Variants in MDM2 observed in about 807,000 individuals in gnomAD.
MDM2 encodes MDM2 proto-oncogene, also known as E3 ubiquitin-protein ligase Mdm2.
MDM2 carries 11 observed loss-of-function variants against 64.3 expected under a neutral mutation model. That is an observed-to-expected ratio of 0.17 (90% confidence interval 0.11 to 0.28). The LOEUF is 0.28. Among genes scored for constraint, MDM2 ranks in the 10% least tolerant of loss-of-function variants. The pLI, the probability that MDM2 is intolerant of heterozygous loss-of-function variation, is 1.00. For synonymous variants in MDM2, 194 were observed against 192.9 expected, an observed-to-expected ratio of 1.01 and a Z score of -0.05; for missense variants, 388 against 577.1, an observed-to-expected ratio of 0.67 and a Z score of 3.36.
intron 8 of MDM2, among the ~76,000 whole-genome samples, chr12:68,833,675 A>T (rs1317107534): frequency 1.3e-5 from 2 of 152,010 alleles, no homozygotes; most frequent in African/African-American, 4.8e-5. Flanking sequence ...CCGCTCTTGT[A>T]ATGCAGGAGC....
intron 8 of MDM2, among the ~76,000 whole-genome samples, chr12:68,834,534 C>T (rs1883154312): frequency 6.6e-6 from 1 of 151,716 alleles, no homozygotes; most frequent in South Asian, 2.1e-4. Flanking sequence ...GTCAGGAGTT[C>T]AAGACCAGCC....
downstream of MDM2, chr12:68,846,033 A>G (rs1211764183): frequency 1.3e-5 from 2 of 149,866 alleles, no homozygotes; most frequent in African/African-American, 4.9e-5. Context: ...GGCTCATTGC[A>G]ACCTCCACCT....
At chr12:68,845,703 C>T (rs979728571), downstream of MDM2, 54 of 170,462 alleles carry the variant, frequency 3.2e-4, no homozygotes, top group African/African-American at 7.1e-5. Flanking sequence ...CTTAGATGTC[C>T]AGCCAACAGC....
intron 5 of MDM2, among the ~76,000 whole-genome samples, chr12:68,823,111 A>G (rs936910744): frequency 5.9e-5 from 9 of 152,220 alleles, no homozygotes; most frequent in Non-Finnish European, 1.2e-4. Flanking sequence ...TTCCTGGACA[A>G]TATAACCTAT....
intron 5 of MDM2, among the ~76,000 whole-genome samples, chr12:68,821,725 G>C (rs1486571932): frequency 6.9e-6 from 1 of 145,198 alleles, no homozygotes; most frequent in Non-Finnish European, 1.5e-5. Flanking sequence ...TCTTAAAAAA[G>C]ACAAAAACAA....
At chr12:68,846,572 G>C (rs59990811), downstream of MDM2, 1 of 152,032 alleles carries the variant, frequency 6.6e-6, no homozygotes, top group African/African-American at 2.4e-5. Context: ...ATTTCACTAC[G>C]TTTGGTCCTA....
intron 5 of MDM2, among the ~76,000 whole-genome samples, chr12:68,823,480 C>A (rs1488672660): frequency 6.6e-6 from 1 of 152,188 alleles, no homozygotes; most frequent in Non-Finnish European, 1.5e-5. Flanking sequence ...ATCATCTTAA[C>A]TCCTTTCTTC....
chr12:68,848,038 A>G (rs1419430316), downstream of MDM2: 1 of 152,242 alleles, frequency 6.6e-6, no homozygotes, highest in African/African-American at 2.4e-5. Context: ...CTGAGGTGGG[A>G]GGATCACTTG....
At chr12:68,822,912 T>C (rs534542664) in intron 5 of MDM2, among the ~76,000 whole-genome samples, 66 of 152,114 alleles carry the variant, frequency 4.3e-4, no homozygotes, top group Non-Finnish European at 7.5e-4. Context: ...GGTTAATTTT[T>C]GTATTTTTAG....
intron 2 of MDM2, among the ~76,000 whole-genome samples, chr12:68,810,212 G>C (rs56679687): frequency 6.6e-6 from 1 of 151,782 alleles, no homozygotes; most frequent in Non-Finnish European, 1.5e-5. Context: ...GAGGAGGCTG[G>C]GGCAGGAGAA....
In MDM2 at chr12:68,831,654, G is replaced by C. The variant is rs151113041; in HGVS notation, c.684+2723G>C. Among the ~76,000 whole-genome samples the C allele has an allele frequency of 2.1e-4, 32 of 152,240 alleles. No individual in the cohort carries two copies. The East Asian group carries it at 6.2e-3, about 29-fold the overall frequency. On this transcript the variant is annotated intron_variant, in intron 8 of 10. Coordinates refer to ENST00000258149, the MANE Select transcript of MDM2 (RefSeq NM_002392.6). ...TCTGGAGCTACGAAAAACCTTCCAA[G>C]GACCACTTTTCCTCTCCATTTGCCT...
intron 8 of MDM2, among the ~76,000 whole-genome samples, chr12:68,834,374 G>A (rs940283478): frequency 1.3e-5 from 2 of 152,028 alleles, no homozygotes; most frequent in African/African-American, 4.8e-5. Context: ...CCCCGGAGGC[G>A]GAGGTTGCAG....
intron 4 of MDM2, among the ~76,000 whole-genome samples, chr12:68,818,403 A>G (rs1411535436): frequency 6.6e-6 from 1 of 151,610 alleles, no homozygotes; most frequent in Non-Finnish European, 1.5e-5. Flanking sequence ...GTAAAGGAAA[A>G]AAAAGGACTG....
rs1376581248 is a variant in MDM2 at position 68,817,069 on chromosome 12, A to AT, written c.308+130dup. 4 of 1,127,336 alleles carry AT rather than the reference A, an allele frequency of 3.5e-6. No individual in the cohort carries two copies. The South Asian group carries it at 4.8e-5, about 14-fold the overall frequency. 69.8% of individuals were successfully genotyped at this position (1,127,336 alleles called of 1,614,324 possible). A position where few individuals can be genotyped will look rare whatever the true frequency, so the allele number is the denominator to read the frequency against. ...CATATTAAAGACATGCTGAAACTTA[A>AT]TTTTTTAGCTCTGCGGCATATTATT... On this transcript the variant is annotated intron_variant, in intron 4 of 10. Transcript: ENST00000258149.
intron 8 of MDM2, among the ~76,000 whole-genome samples, chr12:68,831,907 TAA>T (rs1882829175): frequency 6.6e-6 from 1 of 152,040 alleles, no homozygotes; most frequent in African/African-American, 2.4e-5. Flanking sequence ...CCATCTCTAC[TAA>T]AAATACCAAA....
chr12:68,818,425 C>T (rs1046136285), intron 4 of MDM2, among the ~76,000 whole-genome samples: 11 of 151,136 alleles, frequency 7.3e-5, no homozygotes, highest in Non-Finnish European at 1.5e-5. Context: ...AGTTTGTTAA[C>T]AAAAGGTATT....
At chr12:68,848,721 T>G (rs952965593), downstream of MDM2, 1 of 152,192 alleles carries the variant, frequency 6.6e-6, no homozygotes, top group Non-Finnish European at 1.5e-5. Flanking sequence ...AGCTTTTTGT[T>G]TTTTTGGGGG....
At chr12:68,831,387 A>G (rs1882784470) in intron 8 of MDM2, among the ~76,000 whole-genome samples, 1 of 152,166 alleles carries the variant, frequency 6.6e-6, no homozygotes, top group Non-Finnish European at 1.5e-5. Flanking sequence ...TTGACCAGGC[A>G]TGTCATTTAG....
chr12:68,848,296 CT>C (rs1192238449), downstream of MDM2: 1 of 152,232 alleles, frequency 6.6e-6, no homozygotes, highest in Non-Finnish European at 1.5e-5. Context: ...GATTCTCCTG[CT>C]TTAGCCTCCC....
Sources: allele counts gnomAD v4.1 joint callset (sites outside exome capture counted in the v4.1 genomes callset), GRCh38; gene constraint gnomAD v4.1.1; transcripts MANE v1.5; gene names NCBI Gene and HGNC (gene_info 2026-07-23, HGNC 2026-07-21).